Variants in FAM199X observed in about 807,000 individuals in gnomAD.
The protein encoded by FAM199X is protein FAM199X.
Under a neutral mutation model 22.9 loss-of-function variants are expected in FAM199X, and 4 were observed. That is an observed-to-expected ratio of 0.17 (90% confidence interval 0.09 to 0.40). FAM199X has a LOEUF of 0.40. Ranked by LOEUF, FAM199X falls within the 10% of genes least tolerant of loss-of-function variation. The pLI is 1.00. For synonymous variants in FAM199X, 101 were observed against 112.3 expected, an observed-to-expected ratio of 0.90 and a Z score of 0.64; for missense variants, 183 against 306.8, an observed-to-expected ratio of 0.60 and a Z score of 3.01.
chrX:104,171,403 A>G (rs1410625513), intron 1 of FAM199X, among the ~76,000 whole-genome samples: 3 of 111,781 alleles, frequency 2.7e-5, no homozygotes, highest in African/African-American at 9.8e-5. Flanking sequence ...GCTAGAGTCG[A>G]AGTGTTAGGT....
At chrX:104,185,203 G>A (rs782339937) in intron 2 of FAM199X, among the ~76,000 whole-genome samples, 5 of 108,491 alleles carry the variant, frequency 4.6e-5, no homozygotes, top group Non-Finnish European at 9.5e-5. Flanking sequence ...TACTTTGCCC[G>A]GCCTTAATTT....
intron 2 of FAM199X, among the ~76,000 whole-genome samples, chrX:104,183,496 GCT>G (rs1184254196): frequency 2.8e-5 from 3 of 108,801 alleles, no homozygotes; most frequent in Non-Finnish European, 5.7e-5. Context: ...TGAGATGGTC[GCT>G]CTGTCTCCCA....
chrX:104,174,751 A>G (rs1921448062), intron 1 of FAM199X, among the ~76,000 whole-genome samples: 1 of 111,968 alleles, frequency 8.9e-6, no homozygotes, highest in African/African-American at 3.2e-5. Context: ...AAATATATAT[A>G]CACAGAATGG....
chrX:104,184,267 G>T (rs1569467794), intron 2 of FAM199X, among the ~76,000 whole-genome samples: 2 of 112,272 alleles, frequency 1.8e-5, no homozygotes, highest in Non-Finnish European at 3.8e-5. Flanking sequence ...TAGTCTTCAT[G>T]ACTAAAGTAG....
In FAM199X at chrX:104,166,732, G is replaced by T; in HGVS notation, c.-54G>T. 1.8e-6 allele frequency: 2 copies of T among 1,114,772 alleles called. No individual in the cohort carries two copies. The highest frequency in any genetic ancestry group is 4.0e-5 in the South Asian group (2 of 49,861). The allele number at this position is 1,114,772 out of a possible 1,213,427, so 91.9% of individuals were successfully genotyped here. A position where few individuals can be genotyped will look rare whatever the true frequency, so the allele number is the denominator to read the frequency against. On this transcript the variant is annotated 5_prime_UTR_variant, in exon 1 of 6. Transcript: ENST00000493442. ...CAGGTTAGAGTGGGGGCAGGGGCGG[G>T]CGCGGGAGCAGCCCAGGGCCAGAGA...
chrX:104,169,179 G>C (rs1317771078), intron 1 of FAM199X, among the ~76,000 whole-genome samples: 2 of 111,793 alleles, frequency 1.8e-5, no homozygotes, highest in Non-Finnish European at 3.8e-5. Context: ...GCAAAGTTTA[G>C]GGAGTTCTTT....
rs1921929964 is a variant in FAM199X at position 104,191,141 on chromosome X, C to CT, written c.*1364dup. ...AGCTGTAATCAATATTTTTCAAACT[C>CT]TAAGAGTACAGAGGTTAGTAAGATT... On this transcript the variant is annotated 3_prime_UTR_variant, in exon 6 of 6. Transcript: ENST00000493442. 9.0e-6 allele frequency: 1 copy of CT among 111,317 alleles called. No homozygotes were observed. The highest frequency in any genetic ancestry group is 3.3e-5 in the African/African-American group (1 of 30,718). 9.2% of individuals were successfully genotyped at this position (111,317 alleles called of 1,213,427 possible).
intron 2 of FAM199X, among the ~76,000 whole-genome samples, chrX:104,176,860 T>C (rs1036381217): frequency 5.4e-5 from 6 of 111,924 alleles, no homozygotes; most frequent in African/African-American, 1.9e-4. Context: ...TTTGTTGTTA[T>C]AAACAATGCT....
At chrX:104,187,847 T>G (rs1921843931) in intron 4 of FAM199X, among the ~76,000 whole-genome samples, 193 bp from the exon 5 acceptor site, 2 of 112,506 alleles carry the variant, frequency 1.8e-5, no homozygotes, top group East Asian at 5.5e-4. Flanking sequence ...CTCTATAACG[T>G]GTTTTCTAGC....
upstream of FAM199X, among the ~76,000 whole-genome samples, chrX:104,165,595 T>C (rs782645568): frequency 8.0e-5 from 9 of 112,259 alleles, no homozygotes; most frequent in South Asian, 3.3e-3. Flanking sequence ...AAAATTGTCT[T>C]CTTTGGGCAA....
intron 2 of FAM199X, among the ~76,000 whole-genome samples, chrX:104,183,612 G>A (rs782074837): frequency 4.5e-5 from 5 of 110,651 alleles, no homozygotes; most frequent in African/African-American, 1.6e-4. Context: ...TTACAGGTGC[G>A]CACCACCACA....
intron 1 of FAM199X, among the ~76,000 whole-genome samples, chrX:104,171,458 ATAGTT>A (rs1449447966): frequency 8.9e-6 from 1 of 111,882 alleles, no homozygotes; most frequent in African/African-American, 3.2e-5. Context: ...GTAAATTTAA[ATAGTT>A]TAGTGCTGAG....
In FAM199X at chrX:104,195,721, T is replaced by C. The variant is rs1264590409; in HGVS notation, c.*5943T>C. On this transcript the variant is annotated 3_prime_UTR_variant, in exon 6 of 6. Transcript: ENST00000493442. ...GCTTTCTCCTTTGGAGAATAGCTGCTTTGCTTTTATTTTTAATTTCTAAGG... is the reference window on the plus strand; with the variant it reads ...GCTTTCTCCTTTGGAGAATAGCTGCCTTGCTTTTATTTTTAATTTCTAAGG... The C allele has an allele frequency of 9.0e-6, 1 of 111,283 alleles. No homozygotes were observed. The highest frequency in any genetic ancestry group is 1.9e-5 in the Non-Finnish European group (1 of 53,000). The allele number at this position is 111,283 out of a possible 1,213,427, so 9.2% of individuals were successfully genotyped here. A position where few individuals can be genotyped will look rare whatever the true frequency, so the allele number is the denominator to read the frequency against.
chrX:104,171,364 T>C (rs782394257), intron 1 of FAM199X, among the ~76,000 whole-genome samples: 1 of 111,444 alleles, frequency 9.0e-6, no homozygotes, highest in South Asian at 3.8e-4. Context: ...TTGGAGAAAG[T>C]CTCTTTTGAG....
chrX:104,179,976 CT>C (rs1162038054), intron 2 of FAM199X, among the ~76,000 whole-genome samples: 883 of 86,069 alleles, frequency 0.01, 8 homozygotes, highest in African/African-American at 0.029. Context: ...TGAATTTTTC[CT>C]TTTTTTTTTT....
chrX:104,158,967 C>G, the FAM199X span, among the ~76,000 whole-genome samples: 1 of 111,800 alleles, frequency 8.9e-6, no homozygotes, highest in Non-Finnish European at 1.9e-5. Flanking sequence ...TATTTTTTCC[C>G]CCAACACCCA....
At chrX:104,188,385 T>A in intron 5 of FAM199X, 79 bp downstream of exon 5, 2 of 1,095,378 alleles carry the variant, frequency 1.8e-6, no homozygotes, top group Non-Finnish European at 2.5e-6. Context: ...CTTGAAGAGT[T>A]AAAATGATCC....
intron 2 of FAM199X, among the ~76,000 whole-genome samples, chrX:104,184,758 A>G (rs1369687525): frequency 7.3e-5 from 8 of 109,997 alleles, no homozygotes; most frequent in African/African-American, 2.6e-4. Flanking sequence ...ACTTTATTTT[A>G]ACAGCATATT....
chrX:104,186,136 C>T lies in FAM199X; in HGVS notation c.488C>T (p.Pro163Leu), dbSNP rs1414368835. 1 of 1,209,116 alleles carries T rather than the reference C, an allele frequency of 8.3e-7. No individual in the cohort carries two copies. Among genetic ancestry groups the T allele is most frequent in the Admixed American group, 2.2e-5 (1 of 45,689 alleles). The change falls in exon 3 of 6, where the codon CCT (proline) becomes CTT (leucine). Residue 163 changes from proline (P) to leucine (L), a missense_variant. This residue lies in a region of FAM199X where 128 missense variants were observed against 246.2 expected (regional missense o/e 0.52). Coordinates refer to ENST00000493442, the MANE Select transcript of FAM199X (RefSeq NM_207318.4). ...SDVIPSIPSS[P>L]CLLPKKKNKH... is the part of the protein sequence containing the mutation. ...GTCATACCCAGTATTCCAAGTTCAC[C>T]TTGCCTGCTTCCTAAAAAGAAAAAC...
Sources: gnomAD v4.1 joint callset for allele counts (sites outside exome capture counted in the v4.1 genomes callset) on GRCh38, gnomAD v4.1.1 for gene constraint, gnomAD v4.1.1 regional missense constraint, MANE v1.5 for transcripts, NCBI Gene and HGNC (gene_info 2026-07-23, HGNC 2026-07-21) for gene names.